AP1S3: variants seen among roughly 807,000 people sequenced by gnomAD.
The protein encoded by AP1S3 is adaptor related protein complex 1 subunit sigma 3, also known as AP-1 complex subunit sigma-3.
A neutral mutation model predicts 20.9 loss-of-function variants in AP1S3; 10 were observed. The ratio of observed to expected loss-of-function variants is 0.48; its 90% CI spans 0.29 to 0.81. The LOEUF is 0.81. Among genes scored for constraint, AP1S3 ranks in the 30% least tolerant of loss-of-function variants. The pLI is 0.08. For synonymous variants in AP1S3, 41 were observed against 61.5 expected (o/e 0.67, Z 1.56); for missense variants, 154 against 183.8 (o/e 0.84, Z 0.94).
chr2:223,759,674 C>T (rs1050774483), intron 4 of AP1S3, among the ~76,000 whole-genome samples: 48 of 152,094 alleles, frequency 3.2e-4, no homozygotes, highest in African/African-American at 1.0e-3. Context: ...TAGAGGTAAA[C>T]GTGTATCATG....
At chr2:223,771,511 TTC>T (rs1389866611) in intron 3 of AP1S3, among the ~76,000 whole-genome samples, 1 of 152,196 alleles carries the variant, frequency 6.6e-6, no homozygotes, top group Non-Finnish European at 1.5e-5. Context: ...TTTATTTATT[TTC>T]TCGTGTATCT....
chr2:223,759,498 AAAGAT>A (rs1196559296), intron 4 of AP1S3, among the ~76,000 whole-genome samples: 1 of 152,212 alleles, frequency 6.6e-6, no homozygotes. Flanking sequence ...TCAAGACAAA[AAAGAT>A]AAACAGACCA....
intron 4 of AP1S3, among the ~76,000 whole-genome samples, chr2:223,759,290 A>T (rs1690296425): frequency 7.1e-6 from 1 of 141,752 alleles, no homozygotes; most frequent in Admixed American, 6.9e-5. Context: ...AAAACAAAAA[A>T]AAAAAAGAGA....
intron 1 of AP1S3, among the ~76,000 whole-genome samples, chr2:223,816,062 A>G (rs2106121832): frequency 6.6e-6 from 1 of 152,348 alleles, no homozygotes; most frequent in South Asian, 2.1e-4. Flanking sequence ...GTGAGCCGTG[A>G]TCATGCCACT....
At chr2:223,760,986 C>G (rs1690341565) in intron 4 of AP1S3, among the ~76,000 whole-genome samples, 1 of 152,148 alleles carries the variant, frequency 6.6e-6, no homozygotes, top group African/African-American at 2.4e-5. Flanking sequence ...GTTCAGTGGC[C>G]TCTAGTCATT....
At chr2:223,778,102 TTTTTTTTTG>T (rs1418802710) in intron 1 of AP1S3, among the ~76,000 whole-genome samples, 1 of 150,154 alleles carries the variant, frequency 6.7e-6, no homozygotes, top group Admixed American at 6.6e-5. Context: ...GAAAAATAAG[TTTTTTTTTG>T]TTTTTTTTGT....
chr2:223,802,463 C>T (rs1013209844), intron 1 of AP1S3, among the ~76,000 whole-genome samples: 2 of 151,986 alleles, frequency 1.3e-5, no homozygotes, highest in African/African-American at 2.4e-5. Context: ...CCAGCATACC[C>T]AGCTAATTTT....
chr2:223,800,519 AC>A (rs1691443647), intron 1 of AP1S3, among the ~76,000 whole-genome samples: 1 of 141,748 alleles, frequency 7.1e-6, no homozygotes, highest in Non-Finnish European at 1.5e-5. Context: ...ACAGAGCAAG[AC>A]CCTGTCTCTT....
chr2:223,807,867 CTTTTTTTTT>C (rs138805104), intron 1 of AP1S3, among the ~76,000 whole-genome samples: 2 of 43,220 alleles, frequency 4.6e-5, no homozygotes, highest in Admixed American at 4.3e-4. Context: ...CATTTCTTTT[CTTTTTTTTT>C]TTTTTTTTTT....
chr2:223,797,757 C>T (rs1019326254), intron 1 of AP1S3, among the ~76,000 whole-genome samples: 3 of 152,072 alleles, frequency 2.0e-5, no homozygotes, highest in African/African-American at 7.2e-5. Flanking sequence ...AAGAGCAAAA[C>T]TCCGTCTCAA....
At chr2:223,809,669 C>T (rs1691673294) in intron 1 of AP1S3, among the ~76,000 whole-genome samples, 1 of 151,666 alleles carries the variant, frequency 6.6e-6, no homozygotes, top group Admixed American at 6.6e-5. Flanking sequence ...ACAAAAACTC[C>T]TTCTTACTTA....
chr2:223,817,856 CAA>C (rs560253300), intron 1 of AP1S3, among the ~76,000 whole-genome samples: 1 of 151,466 alleles, frequency 6.6e-6, no homozygotes, highest in Non-Finnish European at 1.5e-5. Flanking sequence ...GACCTTTTTC[CAA>C]AAAAAGACAA....
intron 2 of AP1S3, 70 bp downstream of exon 2, chr2:223,777,620 TC>T: frequency 7.3e-7 from 1 of 1,361,038 alleles, no homozygotes; most frequent in Non-Finnish European, 1.0e-6. Context: ...GGTATAGCAA[TC>T]TAAAATGTTC....
chr2:223,803,544 G>A (rs928322603), intron 1 of AP1S3, among the ~76,000 whole-genome samples: 12 of 152,234 alleles, frequency 7.9e-5, no homozygotes, highest in African/African-American at 2.9e-4. Flanking sequence ...TAATGCCTTT[G>A]TGATGAAAAT....
At chr2:223,780,349 AGAGAGAGAGT>A (rs1357002172) in intron 1 of AP1S3, among the ~76,000 whole-genome samples, 103 of 69,770 alleles carry the variant, frequency 1.5e-3, no homozygotes, top group East Asian at 5.9e-3. Context: ...AGAGAGAGAG[AGAGAGAGAGT>A]GTGTGTGTGT....
rs111394028 is a variant in AP1S3 at position 223,786,386 on chromosome 2, A to G, written c.4-8517T>C. On this transcript the variant is annotated intron_variant, in intron 1 of 4. Coordinates refer to ENST00000396654, the MANE Select transcript of AP1S3 (RefSeq NM_001039569.2). ...AACCTACAGTTTAGGTTTCATTCAC[A>G]TTAACTAGAGCATTGTTTTTACAGC... Among the ~76,000 whole-genome samples the G allele has an allele frequency of 2.0e-3, 302 of 152,330 alleles. 1 individual carries two copies. The highest frequency in any genetic ancestry group is 6.6e-3 in the African/African-American group (275 of 41,582).
chr2:223,764,974 T>C (rs971470351), intron 4 of AP1S3: 6 of 487,762 alleles, frequency 1.2e-5, no homozygotes, highest in Admixed American at 4.0e-5. Context: ...CTGTGTGAAA[T>C]TGAGCAGGTC....
intron 1 of AP1S3, among the ~76,000 whole-genome samples, chr2:223,806,725 G>C (rs901765080): frequency 2.0e-5 from 3 of 151,272 alleles, no homozygotes; most frequent in Non-Finnish European, 4.4e-5. Context: ...ACATATACCT[G>C]TGTGTGTGTG....
intron 1 of AP1S3, among the ~76,000 whole-genome samples, chr2:223,803,855 G>C (rs1394041639): frequency 2.0e-5 from 3 of 150,802 alleles, no homozygotes; most frequent in Non-Finnish European, 2.9e-5. Context: ...ACTCCAGCCT[G>C]GGTGACAGAG....
Sources: allele counts gnomAD v4.1 joint callset (sites outside exome capture counted in the v4.1 genomes callset), GRCh38; gene constraint gnomAD v4.1.1; transcripts MANE v1.5; gene names NCBI Gene and HGNC (gene_info 2026-07-23, HGNC 2026-07-21).